MOCS1: variants seen among roughly 807,000 people sequenced by gnomAD.
MOCS1 encodes molybdenum cofactor synthesis 1, also known as molybdenum cofactor biosynthesis protein 1.
MOCS1 carries 39 observed loss-of-function variants against 57.6 expected under a neutral mutation model. The ratio of observed to expected loss-of-function variants is 0.68; its 90% CI spans 0.52 to 0.88. The LOEUF is 0.88. Among genes scored for constraint, MOCS1 ranks in the 40% least tolerant of loss-of-function variants. MOCS1 has a pLI of 0.00. For missense variants in MOCS1, 795 were observed against 831.1 expected, an observed-to-expected ratio of 0.96 and a Z score of 0.53; for synonymous variants, 334 against 335.7, an observed-to-expected ratio of 1.00 and a Z score of 0.05.
At chr6:39,926,148 T>C (rs555378449) in intron 2 of MOCS1, among the ~76,000 whole-genome samples, 11 of 152,306 alleles carry the variant, frequency 7.2e-5, no homozygotes, top group Middle Eastern at 3.4e-3. Context: ...GGGCAGAGCC[T>C]GGCCTGACTT....
intron 3 of MOCS1, among the ~76,000 whole-genome samples, chr6:39,916,840 G>A (rs56293199): frequency 0.042 from 6,372 of 152,276 alleles, 200 homozygotes; most frequent in Non-Finnish European, 0.061. Context: ...CCGACCAGAC[G>A]GATAGAGACC....
chr6:39,924,637 G>T (rs951785298), intron 3 of MOCS1, among the ~76,000 whole-genome samples: 2 of 152,206 alleles, frequency 1.3e-5, no homozygotes, highest in Non-Finnish European at 2.9e-5. Context: ...ATGCAACTCT[G>T]CCAAAGCAGC....
At chr6:39,931,961 C>G (rs1392779794) in intron 1 of MOCS1, among the ~76,000 whole-genome samples, 1 of 152,116 alleles carries the variant, frequency 6.6e-6, no homozygotes, top group Non-Finnish European at 1.5e-5. Context: ...GTTGCTGTGT[C>G]TCCCCCACCC....
Position 39,916,185 on chromosome 6 carries a change from T to C in MOCS1, c.466A>G (p.Asn156Asp), listed in dbSNP as rs747567976. The part of the protein sequence containing the change: ...EGLRTIGVTT[N>D]GINLARLLPQ... ...AGTAGCCGGGCCAGGTTGATGCCATTGGTGGTAACACCTATGGTTCTCAGC... is the reference window on the plus strand; with the variant it reads ...AGTAGCCGGGCCAGGTTGATGCCATCGGTGGTAACACCTATGGTTCTCAGC... The change falls in exon 4 of 11, where the codon AAT (asparagine) becomes GAT (aspartate). Residue 156 changes from asparagine (N) to aspartate (D), a missense_variant. By Grantham distance (23) the Asn-to-Asp change is conservative. Transcript: ENST00000340692. The C allele has an allele frequency of 6.2e-7, 1 of 1,613,972 alleles. No individual in the cohort carries two copies. The highest frequency in any genetic ancestry group is 1.1e-5 in the South Asian group (1 of 91,078).
Position 39,906,765 on chromosome 6 carries a change from G to C in MOCS1, c.1503C>G (p.Asp501Glu), listed in dbSNP as rs552160161. 6.2e-7 allele frequency: 1 copy of C among 1,614,232 alleles called. No individual in the cohort carries two copies. Among genetic ancestry groups the C allele is most frequent in the Admixed American group, 1.7e-5 (1 of 60,034 alleles). The change falls in exon 11 of 11, where the codon GAC becomes GAG. Residue 501 changes from aspartate (D) to glutamate (E), a missense_variant. Transcript: ENST00000340692. Reference sequence around the variant, plus strand: ...CTGAAGCCACAGCCACCCGCTCTGTGTCTGGCTTCCTGCCCACATCTACCA... The same window carrying C: ...CTGAAGCCACAGCCACCCGCTCTGTCTCTGGCTTCCTGCCCACATCTACCA... ...AAMVDVGRKP[D>E]TERVAVASAV...
In MOCS1 at chr6:39,927,360, C is replaced by A; in HGVS notation, c.219G>T (p.Arg73=). The change falls in exon 2 of 11, where the codon CGG becomes CGT. Residue 73 remains arginine (R), a synonymous_variant. Coordinates refer to ENST00000340692, the MANE Select transcript of MOCS1 (RefSeq NM_001358530.2). ...GGTTGCACTTCTCTGTGAGGGAGAT[C>A]CGCAGGTAGCTGTGCTGCCGGCCGA... ...DSFGRQHSYL[R]ISLTEKCNLR... 1 of 1,612,290 alleles carries A rather than the reference C, an allele frequency of 6.2e-7. No individual in the cohort carries two copies. Among genetic ancestry groups the A allele is most frequent in the Non-Finnish European group, 8.5e-7 (1 of 1,179,616 alleles).
At chr6:39,918,764 A>C (rs928001306) in intron 3 of MOCS1, among the ~76,000 whole-genome samples, 7 of 152,212 alleles carry the variant, frequency 4.6e-5, no homozygotes, top group Admixed American at 1.3e-4. Context: ...TCAAACCAAA[A>C]TGTCAACAGT....
At position 39,906,269 on chromosome 6, in the gene MOCS1, G is replaced by C; in HGVS notation, c.*88C>G. The C allele has an allele frequency of 6.6e-7, 1 of 1,522,676 alleles. No individual in the cohort carries two copies. 94.3% of individuals were successfully genotyped at this position (1,522,676 alleles called of 1,614,324 possible). On this transcript the variant is annotated 3_prime_UTR_variant, in exon 11 of 11. Transcript: ENST00000340692. ...TGCTCAAGGTAAACAAACAGTGACT[G>C]TGATTAAAGGAACCTGACGTCTTTC...
chr6:39,913,097 CA>C, intron 6 of MOCS1, 93 bp from the exon 7 acceptor site: 1 of 1,037,200 alleles, frequency 9.6e-7, no homozygotes, highest in Non-Finnish European at 1.5e-6. Context: ...CACAGCATAG[CA>C]ATCAGTTCTC....
rs1766928048 is a variant in MOCS1, at chr6:39,906,312, T to G, written c.*45A>C. 1 of 1,600,264 alleles carries G rather than the reference T, an allele frequency of 6.2e-7. No homozygotes were observed. Among genetic ancestry groups the G allele is most frequent in the African/African-American group, 1.3e-5 (1 of 74,664 alleles). The stretch of plus-strand genomic sequence containing the variant: ...CGTCTTTCCCTCAGCCTACATTGCA[T>G]CCCAGCTCCAGGCCTGGGTGGGCCA... On this transcript the variant is annotated 3_prime_UTR_variant, in exon 11 of 11. Coordinates refer to ENST00000340692, the MANE Select transcript of MOCS1 (RefSeq NM_001358530.2).
rs1766655328 is a variant in MOCS1 at position 39,904,256 on chromosome 6, TCTCA to T, written c.*2097_*2100del. 1 of 456,760 alleles carries T rather than the reference TCTCA, an allele frequency of 2.2e-6. No homozygotes were observed. Among genetic ancestry groups the T allele is most frequent in the Non-Finnish European group, 4.4e-6 (1 of 226,970 alleles). The allele number at this position is 456,760 out of a possible 1,614,324, so 28.3% of individuals were successfully genotyped here. On this transcript the variant is annotated 3_prime_UTR_variant, in exon 11 of 11. Coordinates refer to ENST00000340692, the MANE Select transcript of MOCS1 (RefSeq NM_001358530.2). ...AATACGTTGTTCCAGAGCTCAGCCT[TCTCA>T]CTCTAAAAGAAAGATATTTTTCTAT...
intron 6 of MOCS1, 76 bp from the exon 7 acceptor site, chr6:39,913,080 C>T: frequency 8.7e-7 from 1 of 1,146,056 alleles, no homozygotes. Flanking sequence ...TTGAGTCCAT[C>T]CCCTGCCACA....
chr6:39,930,204 C>T (rs1768574137), intron 1 of MOCS1, among the ~76,000 whole-genome samples: 1 of 152,140 alleles, frequency 6.6e-6, no homozygotes, highest in South Asian at 2.1e-4. Context: ...CTACTTTTTT[C>T]CCTGTCCCTT....
chr6:39,904,809 C>A lies in MOCS1; in HGVS notation c.*1548G>T, dbSNP rs752370216. ...TCTACAGTGTCCTTTTTCACTTGCACCTTTTTTATAAGAATATATTGTAAT... is the reference window on the plus strand; with the variant it reads ...TCTACAGTGTCCTTTTTCACTTGCAACTTTTTTATAAGAATATATTGTAAT... On this transcript the variant is annotated 3_prime_UTR_variant, in exon 11 of 11. Coordinates refer to ENST00000340692, the MANE Select transcript of MOCS1 (RefSeq NM_001358530.2). The A allele has an allele frequency of 5.3e-5, 24 of 454,056 alleles. No individual in the cohort carries two copies. The highest frequency in any genetic ancestry group is 6.9e-4 in the Middle Eastern group (1 of 1,444). The allele number at this position is 454,056 out of a possible 1,614,324, so 28.1% of individuals were successfully genotyped here. A position where few individuals can be genotyped will look rare whatever the true frequency, so the allele number is the denominator to read the frequency against.
chr6:39,905,376 C>T lies in MOCS1; in HGVS notation c.*981G>A, dbSNP rs1254507132. The T allele has an allele frequency of 2.2e-6, 1 of 463,726 alleles. No individual in the cohort carries two copies. Among genetic ancestry groups the T allele is most frequent in the Non-Finnish European group, 4.4e-6 (1 of 227,018 alleles). 28.7% of individuals were successfully genotyped at this position (463,726 alleles called of 1,614,324 possible). On this transcript the variant is annotated 3_prime_UTR_variant, in exon 11 of 11. Transcript: ENST00000340692. ...TAGCGGGGCTATACAGAGAGTACAC[C>T]CTTAGGCCTTTCCAGGTCCCTCCTC...
chr6:39,915,882 C>T (rs764288640), intron 4 of MOCS1, among the ~76,000 whole-genome samples, 186 bp downstream of exon 4: 55 of 152,128 alleles, frequency 3.6e-4, no homozygotes, highest in Non-Finnish European at 6.9e-4. Context: ...AGGTCATTAG[C>T]GTCTGACCCC....
intron 3 of MOCS1, among the ~76,000 whole-genome samples, chr6:39,920,374 G>C (rs1261843489): frequency 6.6e-6 from 1 of 152,142 alleles, no homozygotes. Context: ...TTGTTTTCCA[G>C]AGTTAAACAT....
intron 1 of MOCS1, 82 bp downstream of exon 1, chr6:39,934,213 C>A: frequency 6.9e-7 from 1 of 1,447,148 alleles, no homozygotes; most frequent in South Asian, 1.4e-5. Context: ...GCAGATAGGC[C>A]GGGAGCTACT....
At position 39,913,010 on chromosome 6, in the gene MOCS1, T is replaced by C. The variant is rs560874400; in HGVS notation, c.758-6A>G. The C allele has an allele frequency of 6.2e-7, 1 of 1,613,170 alleles. No individual in the cohort carries two copies. Among genetic ancestry groups the C allele is most frequent in the East Asian group, 2.2e-5 (1 of 44,864 alleles). Reference sequence around the variant, plus strand: ...CTTGAAGTTCCACTTGTTGCCTGTATTCGGGATGGGGGAAGGCAAGGGGAG... The same window carrying C: ...CTTGAAGTTCCACTTGTTGCCTGTACTCGGGATGGGGGAAGGCAAGGGGAG... On this transcript the variant is annotated splice_region_variant and splice_polypyrimidine_tract_variant and intron_variant, in intron 6 of 10. Transcript: ENST00000340692.
Sources: allele counts gnomAD v4.1 joint callset (sites outside exome capture counted in the v4.1 genomes callset), GRCh38; gene constraint gnomAD v4.1.1; transcripts MANE v1.5; gene names NCBI Gene and HGNC (gene_info 2026-07-23, HGNC 2026-07-21).